Variants in DCC observed in about 807,000 individuals in gnomAD.
The protein encoded by DCC is netrin receptor DCC.
Under a neutral mutation model 172.5 loss-of-function variants are expected in DCC, and 58 were observed. The ratio of observed to expected loss-of-function variants is 0.34; its 90% confidence interval spans 0.27 to 0.42. The LOEUF is 0.42. DCC is among the 10% of genes least tolerant of loss of function. The pLI is 1.00. For missense variants in DCC, 1,740 were observed against 1,791.0 expected (o/e 0.97, Z 0.51); for synonymous variants, 709 against 644.5 (o/e 1.10, Z -1.52).
chr18:53,042,297 T>C (rs1340772013), intron 5 of DCC, among the ~76,000 whole-genome samples: 1 of 152,108 alleles, frequency 6.6e-6, no homozygotes, highest in African/African-American at 2.4e-5. Context: ...GTTTATGTGA[T>C]GGATTATGCT....
chr18:53,008,799 T>C lies in DCC; in HGVS notation c.986-54506T>C, dbSNP rs540147850. 5.3e-5 allele frequency among the ~76,000 whole-genome samples: 8 copies of C among 152,116 alleles called. No individual in the cohort carries two copies. In the East Asian group the frequency reaches 1.4e-3, roughly 26 times the overall value. On this transcript the variant is annotated intron_variant, in intron 5 of 28. Coordinates refer to ENST00000442544, the MANE Select transcript of DCC (RefSeq NM_005215.4). ...CAGTACTGAAAAAAGGTACTAATTT[T>C]GATTTATTCAGAAAGCAAAAGCAAT...
At chr18:52,481,385 A>G (rs1250275930) in intron 1 of DCC, among the ~76,000 whole-genome samples, 9 of 149,722 alleles carry the variant, frequency 6.0e-5, no homozygotes, top group Admixed American at 4.6e-4. Flanking sequence ...AACATTTGCT[A>G]TTTAATCTAC....
chr18:52,812,562 A>G (rs929672556), intron 2 of DCC, among the ~76,000 whole-genome samples: 7 of 152,244 alleles, frequency 4.6e-5, no homozygotes, highest in African/African-American at 1.4e-4. Context: ...TCCAAGTTCA[A>G]TTATTTAATC....
chr18:52,627,712 C>T (rs1023131074), intron 1 of DCC, among the ~76,000 whole-genome samples: 4 of 152,186 alleles, frequency 2.6e-5, no homozygotes, highest in Non-Finnish European at 4.4e-5. Context: ...AGACAACTCT[C>T]GCTTTGGAGT....
chr18:52,783,680 A>G (rs1300190511), intron 2 of DCC, among the ~76,000 whole-genome samples: 1 of 151,754 alleles, frequency 6.6e-6, no homozygotes, highest in African/African-American at 2.4e-5. Flanking sequence ...ATACAAGTGT[A>G]TATGTGTATG....
intron 5 of DCC, among the ~76,000 whole-genome samples, chr18:53,020,466 C>T (rs958381844): frequency 6.6e-5 from 10 of 152,050 alleles, no homozygotes; most frequent in Non-Finnish European, 1.0e-4. Context: ...CTGAGTGTTT[C>T]GCTCAAAATT....
intron 8 of DCC, 55 bp downstream of exon 8, chr18:53,157,567 A>G (rs2054763856): frequency 6.3e-7 from 1 of 1,584,576 alleles, no homozygotes; most frequent in East Asian, 2.2e-5. Flanking sequence ...TTAAGTCAAT[A>G]CGGTTGGGTA....
At chr18:53,508,560 A>C (rs565025547) in intron 27 of DCC, among the ~76,000 whole-genome samples, 4 of 152,194 alleles carry the variant, frequency 2.6e-5, no homozygotes, top group Non-Finnish European at 5.9e-5. Context: ...TTTTAGTTTT[A>C]GTGTTGCACT....
At chr18:53,100,754 GC>G (rs1271701601) in intron 7 of DCC, among the ~76,000 whole-genome samples, 1 of 152,062 alleles carries the variant, frequency 6.6e-6, no homozygotes, top group Non-Finnish European at 1.5e-5. Flanking sequence ...CTCTTGATAA[GC>G]CCTGAGCACT....
chr18:53,051,102 C>A (rs537600682), intron 5 of DCC, among the ~76,000 whole-genome samples: 1 of 151,882 alleles, frequency 6.6e-6, no homozygotes, highest in Non-Finnish European at 1.5e-5. Context: ...TGGTGGCGTG[C>A]GCCTGTAATC....
At chr18:52,517,479 G>A (rs1289748499) in intron 1 of DCC, among the ~76,000 whole-genome samples, 1 of 152,114 alleles carries the variant, frequency 6.6e-6, no homozygotes, top group Non-Finnish European at 1.5e-5. Context: ...CCTAAACCCA[G>A]TTACTAGCTA....
chr18:52,952,578 C>A (rs1300466451), intron 5 of DCC, among the ~76,000 whole-genome samples: 1 of 152,190 alleles, frequency 6.6e-6, no homozygotes, highest in Admixed American at 6.5e-5. Context: ...AAGCTTTCTA[C>A]TCAGCTCAAG....
rs138648613 is a variant in DCC at position 53,260,022 on chromosome 18, T to C, written c.1911+44425T>C. ...GCTACTGAGGCTTTTGCATTCGTCA[T>C]GTATTTCTCGTGCCATGGTTTTCAG... On this transcript the variant is annotated intron_variant, in intron 12 of 28. Transcript: ENST00000442544. 6.8e-3 allele frequency among the ~76,000 whole-genome samples: 1,030 copies of C among 152,326 alleles called. 15 individuals carry two copies. The highest frequency in any genetic ancestry group is 0.024 in the African/African-American group (986 of 41,568).
At chr18:52,964,067 A>G (rs114027944) in intron 5 of DCC, among the ~76,000 whole-genome samples, 2,051 of 152,286 alleles carry the variant, frequency 0.013, 61 homozygotes, top group African/African-American at 0.047. Context: ...ATATGATATG[A>G]TAAGTACAGT....
rs369809232 is a variant in DCC, at chr18:53,305,660, C to G, written c.1994C>G (p.Thr665Arg). Residue 665 changes from threonine to arginine, a missense_variant, in exon 13 of 29, where the codon ACG (threonine) becomes AGG (arginine). Physicochemically the swap from Thr to Arg is moderately conservative, Grantham distance 71. Coordinates refer to ENST00000442544, the MANE Select transcript of DCC (RefSeq NM_005215.4). Reference sequence around the variant, plus strand: ...GGCTATAAAATTCGACACAGAAAGACGACCCGCAGGGGTGAGATGGAAACA... The same window carrying G: ...GGCTATAAAATTCGACACAGAAAGAGGACCCGCAGGGGTGAGATGGAAACA... The part of the protein sequence containing the change: ...ITGYKIRHRK[T>R]TRRGEMETLE... 2.5e-6 allele frequency: 4 copies of G among 1,613,994 alleles called. No individual in the cohort carries two copies. Among genetic ancestry groups the G allele is most frequent in the Admixed American group, 3.3e-5 (2 of 60,008 alleles).
intron 1 of DCC, among the ~76,000 whole-genome samples, chr18:52,700,080 AATGTTT>A (rs1354877490): frequency 6.6e-6 from 1 of 151,606 alleles, no homozygotes; most frequent in Non-Finnish European, 1.5e-5. Flanking sequence ...AAATACAGTG[AATGTTT>A]ATAAGTTACC....
intron 1 of DCC, among the ~76,000 whole-genome samples, chr18:52,597,191 T>C (rs575388553): frequency 6.6e-6 from 1 of 152,326 alleles, no homozygotes; most frequent in African/African-American, 2.4e-5. Flanking sequence ...GCCTATAAAA[T>C]TGTGAGCAAA....
intron 1 of DCC, among the ~76,000 whole-genome samples, chr18:52,369,074 G>A (rs76929577): frequency 0.036 from 5,495 of 152,214 alleles, 353 homozygotes; most frequent in African/African-American, 0.13. Flanking sequence ...GGTGTTTCAT[G>A]TAATTTCTTT....
In DCC at chr18:52,908,405, G is replaced by A. The variant is rs114662739; in HGVS notation, c.697+2077G>A. On this transcript the variant is annotated intron_variant, in intron 3 of 28. Coordinates refer to ENST00000442544, the MANE Select transcript of DCC (RefSeq NM_005215.4). Reference sequence around the variant, plus strand: ...CCAAAACATACATGCATCTATTTACGTATCCATTACATACACAAAGTTTTA... The same window carrying A: ...CCAAAACATACATGCATCTATTTACATATCCATTACATACACAAAGTTTTA... Among the ~76,000 whole-genome samples the A allele has an allele frequency of 2.4e-3, 360 of 152,138 alleles. 1 individual carries two copies. Among genetic ancestry groups the A allele is most frequent in the African/African-American group, 7.8e-3 (324 of 41,506 alleles).
Sources: allele counts gnomAD v4.1 joint callset (sites outside exome capture counted in the v4.1 genomes callset), GRCh38; gene constraint gnomAD v4.1.1; transcripts MANE v1.5; gene names NCBI Gene and HGNC (gene_info 2026-07-23, HGNC 2026-07-21).